The following HIP1 variants were observed in gnomAD, a reference collection of about 807,000 sequenced individuals.
HIP1 encodes huntingtin interacting protein 1.
HIP1 carries 65 observed loss-of-function variants against 147.6 expected under a neutral mutation model. The observed-to-expected ratio is 0.44, with a 90% CI of 0.36 to 0.54. HIP1 has a LOEUF of 0.54. Among genes scored for constraint, HIP1 ranks in the 20% least tolerant of loss-of-function variants. The pLI is 0.00. For missense variants in HIP1, 1,061 were observed against 1,299.6 expected (o/e 0.82, Z 2.82); for synonymous variants, 479 against 504.0 (o/e 0.95, Z 0.67).
chr7:75,542,017 T>C, intron 28 of HIP1, 37 bp from the exon 29 acceptor site: 2 of 1,578,152 alleles, frequency 1.3e-6, no homozygotes, highest in Non-Finnish European at 8.7e-7. Context: ...CATCAAATTC[T>C]ACCCTGGCTG....
chr7:75,683,747 A>G (rs1236238651), intron 1 of HIP1, among the ~76,000 whole-genome samples: 3 of 152,214 alleles, frequency 2.0e-5, no homozygotes, highest in African/African-American at 7.2e-5. Flanking sequence ...CTTGCTCCCA[A>G]TTTGTTAAAG....
At position 75,582,211 on chromosome 7, in the gene HIP1, C is replaced by T. The variant is rs782394411; in HGVS notation, c.466-60G>A. 12 of 1,389,166 alleles carry T rather than the reference C, an allele frequency of 8.6e-6. 1 individual carries two copies. The highest frequency in any genetic ancestry group is 3.5e-5 in the South Asian group (3 of 85,100). The allele number at this position is 1,389,166 out of a possible 1,614,324, so 86.1% of individuals were successfully genotyped here. ...AAGACATGAAGAGCCCTCTCTCAGCCGGGCGTGGTGGCACACGCCTGTGGT... is the reference window on the plus strand; with the variant it reads ...AAGACATGAAGAGCCCTCTCTCAGCTGGGCGTGGTGGCACACGCCTGTGGT... On this transcript the variant is annotated intron_variant, in intron 5 of 30. Transcript: ENST00000336926.
At chr7:75,674,071 T>G (rs1473927508) in intron 1 of HIP1, among the ~76,000 whole-genome samples, 7 of 152,190 alleles carry the variant, frequency 4.6e-5, no homozygotes, top group Non-Finnish European at 1.0e-4. Flanking sequence ...TAGCTTTTGT[T>G]GTTGTAATAG....
intron 1 of HIP1, among the ~76,000 whole-genome samples, chr7:75,637,176 CAG>C (rs1473011551): frequency 6.6e-6 from 1 of 152,172 alleles, no homozygotes; most frequent in Non-Finnish European, 1.5e-5. Context: ...CCTTGAGAAG[CAG>C]GGAGGGAGGC....
At chr7:75,662,215 G>T (rs1799343997) in intron 1 of HIP1, among the ~76,000 whole-genome samples, 1 of 152,050 alleles carries the variant, frequency 6.6e-6, no homozygotes, top group Non-Finnish European at 1.5e-5. Flanking sequence ...ACAGGTTCTT[G>T]TTCTGTCACC....
intron 4 of HIP1, among the ~76,000 whole-genome samples, 176 bp from the exon 5 acceptor site, chr7:75,587,009 C>T (rs995526778): frequency 1.3e-5 from 2 of 152,064 alleles, no homozygotes; most frequent in South Asian, 2.1e-4. Flanking sequence ...GGCATGATCT[C>T]GGCTCACTGC....
chr7:75,640,344 G>A (rs557734810), intron 1 of HIP1, among the ~76,000 whole-genome samples: 1 of 152,296 alleles, frequency 6.6e-6, no homozygotes, highest in African/African-American at 2.4e-5. Context: ...TGGGGAGCAG[G>A]GCAGACTTCA....
chr7:75,639,304 C>A (rs1469538095), intron 1 of HIP1: 1 of 120,286 alleles, frequency 8.3e-6, no homozygotes, highest in African/African-American at 3.1e-5. Context: ...GGAGCCGCAG[C>A]GCGCGCCGGG....
chr7:75,638,722 C>A (rs373020791), intron 1 of HIP1, among the ~76,000 whole-genome samples: 1 of 152,194 alleles, frequency 6.6e-6, no homozygotes, highest in Admixed American at 6.5e-5. Context: ...GTACAAGCCC[C>A]TTCCGGCGGC....
intron 18 of HIP1, 97 bp from the exon 19 acceptor site, chr7:75,555,648 C>T: frequency 7.4e-7 from 1 of 1,353,542 alleles, no homozygotes; most frequent in Non-Finnish European, 1.0e-6. Context: ...TAGCTCAAGT[C>T]ATGGCCAATG....
chr7:75,559,776 C>T lies in HIP1; in HGVS notation c.1331G>A (p.Arg444Gln), dbSNP rs145373878. The change falls in exon 14 of 31, where the codon CGG (arginine) becomes CAG (glutamine). Residue 444 changes from arginine to glutamine, a missense_variant. By Grantham distance (43) the Arg-to-Gln change is conservative. Coordinates refer to ENST00000336926, the MANE Select transcript of HIP1 (RefSeq NM_005338.7). ...CCGCTGAGCCTTCTCGGTGTCCTCC[C>T]GCTGCCTCCTGAGCTCGTCCAGTTC... ...RAELDELRRQ[R>Q]EDTEKAQRSL... 34 of 1,609,682 alleles carry T rather than the reference C, an allele frequency of 2.1e-5. No homozygotes were observed. Among genetic ancestry groups the T allele is most frequent in the East Asian group, 4.6e-5 (2 of 43,848 alleles).
intron 1 of HIP1, among the ~76,000 whole-genome samples, chr7:75,613,814 C>T (rs1473642591): frequency 1.3e-5 from 2 of 152,214 alleles, no homozygotes; most frequent in Non-Finnish European, 2.9e-5. Context: ...CAGCCTCAAC[C>T]TCCTGGATTC....
intron 1 of HIP1, among the ~76,000 whole-genome samples, chr7:75,677,603 T>TAAAAA (rs60860713): frequency 1.1e-5 from 1 of 94,500 alleles, no homozygotes; most frequent in Non-Finnish European, 2.0e-5. Context: ...AGACTCCATC[T>TAAAAA]AAAAAAAAAA....
chr7:75,614,209 C>A (rs1584881774), intron 1 of HIP1, among the ~76,000 whole-genome samples: 1 of 152,178 alleles, frequency 6.6e-6, no homozygotes, highest in African/African-American at 2.4e-5. Flanking sequence ...GCCACCACAC[C>A]CAGCTAATTT....
chr7:75,678,935 A>G (rs1799979480), intron 1 of HIP1, among the ~76,000 whole-genome samples: 1 of 152,192 alleles, frequency 6.6e-6, no homozygotes, highest in Non-Finnish European at 1.5e-5. Context: ...GCCTAAAACG[A>G]TAGCCAAGGA....
chr7:75,643,065 G>A (rs1554510688), intron 1 of HIP1, among the ~76,000 whole-genome samples: 2 of 152,182 alleles, frequency 1.3e-5, no homozygotes, highest in Admixed American at 6.6e-5. Flanking sequence ...CTTGGTAGAG[G>A]CTGACACCTA....
chr7:75,562,179 G>T lies in HIP1; in HGVS notation c.1021-9C>A. Reference sequence around the variant, plus strand: ...TTGTTGTCAAATAAATTCTGTGGTTGACCAAAAAGGAGTGAGAATAAGTCA... The same window carrying T: ...TTGTTGTCAAATAAATTCTGTGGTTTACCAAAAAGGAGTGAGAATAAGTCA... On this transcript the variant is annotated splice_polypyrimidine_tract_variant and intron_variant, in intron 11 of 30. Coordinates refer to ENST00000336926, the MANE Select transcript of HIP1 (RefSeq NM_005338.7). The T allele has an allele frequency of 6.3e-7, 1 of 1,589,106 alleles. No individual in the cohort carries two copies. Among genetic ancestry groups the T allele is most frequent in the Non-Finnish European group, 8.6e-7 (1 of 1,157,520 alleles).
At chr7:75,557,876 A>G (rs1554493747) in intron 15 of HIP1, 106 bp from the exon 16 acceptor site, 2 of 833,490 alleles carry the variant, frequency 2.4e-6, no homozygotes, top group East Asian at 2.4e-5. Context: ...AGTCAGACAC[A>G]GGAATCACTT....
chr7:75,557,802 A>G (rs1365542720), intron 15 of HIP1, 32 bp from the exon 16 acceptor site: 7 of 1,521,566 alleles, frequency 4.6e-6, no homozygotes, highest in Middle Eastern at 3.4e-4. Context: ...TTGAACCAGG[A>G]GATCCCAGGC....
Sources: gnomAD v4.1 joint callset for allele counts (sites outside exome capture counted in the v4.1 genomes callset) on GRCh38, gnomAD v4.1.1 for gene constraint, MANE v1.5 for transcripts, NCBI Gene and HGNC (gene_info 2026-07-23, HGNC 2026-07-21) for gene names.